The following CTNND2 variants were observed in gnomAD, a reference collection of about 807,000 sequenced individuals.
CTNND2 encodes catenin delta 2, also known as catenin delta-2.
CTNND2 carries 22 observed loss-of-function variants against 144.4 expected under a neutral mutation model. That is an observed-to-expected ratio of 0.15 (90% confidence interval 0.11 to 0.22). CTNND2 has a LOEUF of 0.22. Ranked by LOEUF, CTNND2 falls within the 10% of genes least tolerant of loss-of-function variation. The probability of loss-of-function intolerance (pLI) is 1.00; values close to 1 mark genes in which losing one functional copy is unlikely to be tolerated. For synonymous variants in CTNND2, 751 were observed against 695.6 expected (o/e 1.08, Z -1.25); for missense variants, 1,353 against 1,618.8 (o/e 0.84, Z 2.82).
At chr5:11,574,333 G>A (rs942716570) in intron 2 of CTNND2, among the ~76,000 whole-genome samples, 12 of 151,978 alleles carry the variant, frequency 7.9e-5, no homozygotes, top group Admixed American at 5.9e-4. Flanking sequence ...TTTGATTGTC[G>A]GGGACATCTC....
chr5:10,991,143 G>T (rs539738556), intron 19 of CTNND2, among the ~76,000 whole-genome samples: 1 of 152,370 alleles, frequency 6.6e-6, no homozygotes, highest in South Asian at 2.1e-4. Context: ...AGCAATGACA[G>T]TACACTAGAA....
At chr5:11,464,692 G>C (rs1197674015) in intron 3 of CTNND2, among the ~76,000 whole-genome samples, 1 of 152,184 alleles carries the variant, frequency 6.6e-6, no homozygotes, top group African/African-American at 2.4e-5. Context: ...ACAGGTGAGA[G>C]CATGGTGGAC....
At chr5:11,893,659 C>T (rs1737168488) in intron 1 of CTNND2, among the ~76,000 whole-genome samples, 1 of 152,122 alleles carries the variant, frequency 6.6e-6, no homozygotes. Context: ...AAGAAGGATG[C>T]TTTCTGAACG....
chr5:11,107,337 G>A (rs2149679589), intron 14 of CTNND2, among the ~76,000 whole-genome samples: 1 of 152,210 alleles, frequency 6.6e-6, no homozygotes, highest in East Asian at 1.9e-4. Context: ...CTCCATTGTG[G>A]TCATTTTAAC....
chr5:11,032,748 G>C (rs1311775065), intron 16 of CTNND2, among the ~76,000 whole-genome samples: 1 of 152,160 alleles, frequency 6.6e-6, no homozygotes, highest in Non-Finnish European at 1.5e-5. Flanking sequence ...AGTGAAAAAA[G>C]CCAGTCTCAA....
intron 2 of CTNND2, among the ~76,000 whole-genome samples, chr5:11,720,138 A>AG: frequency 6.6e-6 from 1 of 152,274 alleles, no homozygotes; most frequent in African/African-American, 2.4e-5. Flanking sequence ...CCAAAGAGAC[A>AG]GCAGCAACTG....
intron 6 of CTNND2, 76 bp downstream of exon 6, chr5:11,396,955 C>G: frequency 7.1e-7 from 1 of 1,398,838 alleles, no homozygotes; most frequent in Non-Finnish European, 9.6e-7. Flanking sequence ...TCTCCACAAT[C>G]TCCACATCCA....
intron 2 of CTNND2, among the ~76,000 whole-genome samples, chr5:11,682,855 A>C (rs1784480571): frequency 1.3e-5 from 2 of 152,196 alleles, no homozygotes; most frequent in African/African-American, 4.8e-5. Context: ...GAAACAATGA[A>C]ATTCAAAAAC....
intron 16 of CTNND2, among the ~76,000 whole-genome samples, chr5:11,064,226 G>A (rs1747305275): frequency 6.6e-6 from 1 of 152,190 alleles, no homozygotes; most frequent in Admixed American, 6.5e-5. Context: ...GCTTGTTTCA[G>A]CCAAGTTGTC....
At chr5:11,645,845 T>C (rs1409633671) in intron 2 of CTNND2, among the ~76,000 whole-genome samples, 1 of 152,186 alleles carries the variant, frequency 6.6e-6, no homozygotes, top group Non-Finnish European at 1.5e-5. Flanking sequence ...GGAAATTTCA[T>C]CTATATTAAT....
At chr5:11,359,686 G>A (rs1756248348) in intron 8 of CTNND2, among the ~76,000 whole-genome samples, 1 of 152,100 alleles carries the variant, frequency 6.6e-6, no homozygotes, top group Admixed American at 6.5e-5. Flanking sequence ...CAAAGCCTGG[G>A]GCCAGGGATG....
chr5:11,895,683 T>C (rs942175515), intron 1 of CTNND2, among the ~76,000 whole-genome samples: 1 of 152,048 alleles, frequency 6.6e-6, no homozygotes, highest in African/African-American at 2.4e-5. Context: ...TAGGAACCAA[T>C]AAAATGATAT....
At chr5:11,091,080 T>A in intron 15 of CTNND2, among the ~76,000 whole-genome samples, 1 of 152,202 alleles carries the variant, frequency 6.6e-6, no homozygotes, top group Non-Finnish European at 1.5e-5. Flanking sequence ...TCAGTCATTA[T>A]TTTTTCAAAA....
intron 21 of CTNND2, 95 bp downstream of exon 21, chr5:10,981,678 T>C: frequency 8.1e-7 from 1 of 1,229,508 alleles, no homozygotes; most frequent in Non-Finnish European, 1.2e-6. Flanking sequence ...TTCAGTTCTT[T>C]ATGTATGTTG....
intron 2 of CTNND2, among the ~76,000 whole-genome samples, chr5:11,640,245 T>C (rs1418209606): frequency 6.6e-6 from 1 of 152,180 alleles, no homozygotes. Context: ...TACATATGAG[T>C]AATTCAATGT....
In CTNND2 at chr5:11,585,032, C is replaced by A. The variant is rs138713719; in HGVS notation, c.175-19976G>T. ...AATCACAAAACCCTAGGGAGAGCTG[C>A]GGCATTACAATAATGGCCATGCTTT... On this transcript the variant is annotated intron_variant, in intron 2 of 21. Coordinates refer to ENST00000304623, the MANE Select transcript of CTNND2 (RefSeq NM_001332.4). Among the ~76,000 whole-genome samples, 138 of 152,198 alleles carry A rather than the reference C, an allele frequency of 9.1e-4. 1 individual carries two copies. The highest frequency in any genetic ancestry group is 3.2e-3 in the African/African-American group (132 of 41,528).
In CTNND2 at chr5:11,903,717, C is replaced by A; in HGVS notation, c.37+100G>T. The stretch of plus-strand genomic sequence containing the variant: ...CGCAGCAGCCGCCGCCGCCGCCTGC[C>A]GGCCGGGAGCCCAGGACCACCCCCA... On this transcript the variant is annotated intron_variant, in intron 1 of 21. Transcript: ENST00000304623. The surrounding 1 kb of genome is among the most constrained non-coding windows in gnomAD (Gnocchi z 5.4). 4.9e-6 allele frequency: 6 copies of A among 1,233,118 alleles called. No individual in the cohort carries two copies. The highest frequency in any genetic ancestry group is 6.4e-6 in the Non-Finnish European group (6 of 943,582). The allele number at this position is 1,233,118 out of a possible 1,614,324, so 76.4% of individuals were successfully genotyped here. A position where few individuals can be genotyped will look rare whatever the true frequency, so the allele number is the denominator to read the frequency against.
chr5:11,240,860 C>T (rs28545055), intron 9 of CTNND2, among the ~76,000 whole-genome samples: 28,917 of 143,094 alleles, frequency 0.2, 3,121 homozygotes, highest in Middle Eastern at 0.3. Context: ...AACACATACA[C>T]TCAGCACACA....
chr5:11,357,046 G>A (rs1010158629), intron 8 of CTNND2, among the ~76,000 whole-genome samples: 1 of 151,956 alleles, frequency 6.6e-6, no homozygotes, highest in Non-Finnish European at 1.5e-5. Flanking sequence ...GCAAGGATGT[G>A]GAGAAAAGGG....
Sources: allele counts gnomAD v4.1 joint callset (sites outside exome capture counted in the v4.1 genomes callset), GRCh38; gene constraint gnomAD v4.1.1; non-coding constraint Gnocchi (gnomAD v3.1); transcripts MANE v1.5; gene names NCBI Gene and HGNC (gene_info 2026-07-23, HGNC 2026-07-21).